Variants in CA10 observed in about 807,000 individuals in gnomAD.
CA10 encodes the protein carbonic anhydrase 10 (inactive).
In CA10, 14 loss-of-function variants were observed where a neutral mutation model predicts 44.2. The observed-to-expected ratio is 0.32, with a 90% CI of 0.21 to 0.50. The LOEUF is 0.50. CA10 is among the 20% of genes least tolerant of loss of function. The probability of loss-of-function intolerance (pLI) is 0.99; values close to 1 mark genes in which losing one functional copy is unlikely to be tolerated. For synonymous variants in CA10, 159 were observed against 141.6 expected (o/e 1.12, Z -0.87); for missense variants, 350 against 409.7 (o/e 0.85, Z 1.26).
intron 3 of CA10, among the ~76,000 whole-genome samples, chr17:51,801,391 C>T (rs1212947178): frequency 6.6e-6 from 1 of 152,094 alleles, no homozygotes; most frequent in East Asian, 1.9e-4. Context: ...CAAGTATCAT[C>T]TAGGAAAGAT....
chr17:51,794,190 GT>G (rs1448905767), intron 3 of CA10, among the ~76,000 whole-genome samples: 2 of 152,228 alleles, frequency 1.3e-5, no homozygotes, highest in African/African-American at 4.8e-5. Context: ...AGGGAAAGGT[GT>G]GTTTTTAGTT....
intron 4 of CA10, among the ~76,000 whole-genome samples, chr17:51,719,562 G>C (rs1916284389): frequency 6.6e-6 from 1 of 152,160 alleles, no homozygotes; most frequent in African/African-American, 2.4e-5. Context: ...TTTCATTCAT[G>C]ATATCCCAGT....
intron 7 of CA10, among the ~76,000 whole-genome samples, chr17:51,635,512 T>C (rs1453348706): frequency 6.7e-6 from 1 of 148,432 alleles, no homozygotes; most frequent in Non-Finnish European, 1.5e-5. Context: ...AGACTCCATC[T>C]CAAAAAAGAA....
chr17:51,790,556 G>T (rs1426121752), intron 3 of CA10, among the ~76,000 whole-genome samples: 1 of 152,156 alleles, frequency 6.6e-6, no homozygotes, highest in Non-Finnish European at 1.5e-5. Context: ...CACCAAAAAT[G>T]AACTGCAATT....
chr17:51,891,768 A>C (rs1345311849), intron 3 of CA10, among the ~76,000 whole-genome samples: 2 of 152,164 alleles, frequency 1.3e-5, no homozygotes, highest in South Asian at 2.1e-4. Context: ...GTCATTCTGC[A>C]CAGGTAGCTT....
chr17:51,810,268 G>A (rs551231552), intron 3 of CA10, among the ~76,000 whole-genome samples: 3 of 152,306 alleles, frequency 2.0e-5, no homozygotes, highest in South Asian at 4.1e-4. Flanking sequence ...CTGATTTCTA[G>A]CTGAATTCTT....
chr17:51,818,689 T>C (rs926375972), intron 3 of CA10, among the ~76,000 whole-genome samples: 3 of 152,202 alleles, frequency 2.0e-5, no homozygotes, highest in Non-Finnish European at 4.4e-5. Flanking sequence ...AGGGTAGATG[T>C]GCAACATTAA....
At chr17:52,014,675 A>G (rs1391788289) in intron 2 of CA10, among the ~76,000 whole-genome samples, 1 of 152,032 alleles carries the variant, frequency 6.6e-6, no homozygotes, top group Non-Finnish European at 1.5e-5. Context: ...AATGCCTGAG[A>G]CTGGGAGAAG....
chr17:51,863,954 C>T (rs1979429890), intron 3 of CA10, among the ~76,000 whole-genome samples: 1 of 152,156 alleles, frequency 6.6e-6, no homozygotes, highest in Non-Finnish European at 1.5e-5. Flanking sequence ...AATCATTGGC[C>T]ATGATTCACT....
intron 3 of CA10, among the ~76,000 whole-genome samples, chr17:51,904,916 A>G (rs1484196255): frequency 6.6e-6 from 1 of 152,168 alleles, no homozygotes; most frequent in Non-Finnish European, 1.5e-5. Context: ...TAGATGAATT[A>G]TTTAATCCTC....
At position 51,831,667 on chromosome 17, in the gene CA10, A is replaced by AAGCAGCAGCAGCAGCAGCAGCAGC. The variant is rs66635963; in HGVS notation, c.280-83873_280-83850dup. Among the ~76,000 whole-genome samples the AAGCAGCAGCAGCAGCAGCAGCAGC allele has an allele frequency of 2.9e-4, 37 of 127,480 alleles. 5 individuals are homozygous for AAGCAGCAGCAGCAGCAGCAGCAGC. The Middle Eastern group carries it at 0.012, about 42-fold the overall frequency. 83.6% of individuals were successfully genotyped at this position (127,480 alleles called of 152,430 possible). A position where few individuals can be genotyped will look rare whatever the true frequency, so the allele number is the denominator to read the frequency against. On this transcript the variant is annotated intron_variant, in intron 3 of 8. Coordinates refer to ENST00000451037, the MANE Select transcript of CA10 (RefSeq NM_020178.5). Reference sequence around the variant, plus strand: ...TGGATTGTTCCAAGGAGAAAAGAAAAAGCAGCAGCAGCAGCAGCAGCAGCA... The same window carrying AAGCAGCAGCAGCAGCAGCAGCAGC: ...TGGATTGTTCCAAGGAGAAAAGAAAAAGCAGCAGCAGCAGCAGCAGCAGCAGCAGCAGCAGCAGCAGCAGCAGCA...
chr17:51,853,154 TTTG>T (rs930053258), intron 3 of CA10, among the ~76,000 whole-genome samples: 3 of 152,204 alleles, frequency 2.0e-5, no homozygotes, highest in African/African-American at 7.2e-5. Context: ...ATAAATTATA[TTTG>T]TTGTTTAATA....
chr17:51,641,166 CCTCT>C (rs1343396006), intron 6 of CA10, among the ~76,000 whole-genome samples: 2 of 24,262 alleles, frequency 8.2e-5, no homozygotes, highest in South Asian at 1.7e-3. Flanking sequence ...CTCTCTCTCT[CCTCT>C]CTCTCTCTCT....
chr17:52,153,357 C>T (rs1372519388), intron 1 of CA10, among the ~76,000 whole-genome samples: 1 of 152,062 alleles, frequency 6.6e-6, no homozygotes, highest in African/African-American at 2.4e-5. Flanking sequence ...CTATTTCAAG[C>T]CATATTGAAA....
chr17:51,972,125 TATAA>T (rs1384849651), intron 2 of CA10, among the ~76,000 whole-genome samples: 2 of 151,962 alleles, frequency 1.3e-5, no homozygotes, highest in African/African-American at 4.8e-5. Context: ...ATGTGAGTTA[TATAA>T]GGGAAGCATG....
chr17:51,633,934 C>A (rs1912710500), intron 7 of CA10, among the ~76,000 whole-genome samples: 1 of 152,204 alleles, frequency 6.6e-6, no homozygotes, highest in South Asian at 2.1e-4. Context: ...AAAAAAGGAG[C>A]AAATCTGGTT....
In CA10 at chr17:52,157,516, A is replaced by G. The variant is rs1989829240; in HGVS notation, c.61+210T>C. On this transcript the variant is annotated intron_variant, in intron 1 of 8. Coordinates refer to ENST00000451037, the MANE Select transcript of CA10 (RefSeq NM_020178.5). ...TTCCTTCACCCTTCTAGGACTGCAC[A>G]CAGATCCTAACCACCCCCCCCCGCA... Among the ~76,000 whole-genome samples the G allele has an allele frequency of 2.1e-5, 3 of 141,280 alleles. No individual in the cohort carries two copies. The South Asian group carries it at 7.3e-4, about 34-fold the overall frequency. 92.7% of individuals were successfully genotyped at this position (141,280 alleles called of 152,430 possible).
At chr17:51,992,674 G>A (rs577064144) in intron 2 of CA10, among the ~76,000 whole-genome samples, 6 of 151,880 alleles carry the variant, frequency 4.0e-5, no homozygotes, top group Non-Finnish European at 5.9e-5. Flanking sequence ...TTCTTTCAAG[G>A]GGCCCTGATC....
At chr17:51,660,440 C>CTT (rs1913961518) in intron 4 of CA10, among the ~76,000 whole-genome samples, 1 of 152,218 alleles carries the variant, frequency 6.6e-6, no homozygotes, top group African/African-American at 2.4e-5. Context: ...AGACCTGCTG[C>CTT]AAGCAGGCTT....
Sources: allele counts gnomAD v4.1 joint callset (sites outside exome capture counted in the v4.1 genomes callset), GRCh38; gene constraint gnomAD v4.1.1; transcripts MANE v1.5; gene names NCBI Gene and HGNC (gene_info 2026-07-23, HGNC 2026-07-21).